The following LPA variants were observed in gnomAD, a reference collection of about 807,000 sequenced individuals.
LPA encodes the protein apolipoprotein(a).
Under a neutral mutation model 197.9 loss-of-function variants are expected in LPA, and 199 were observed. The ratio of observed to expected loss-of-function variants is 1.01; its 90% CI spans 0.90 to 1.13. The LOEUF is 1.13. LPA is among the 50% of genes most tolerant of loss of function. The pLI, the probability that LPA is intolerant of heterozygous loss-of-function variation, is 0.00. For synonymous variants in LPA, 715 were observed against 639.5 expected, an observed-to-expected ratio of 1.12 and a Z score of -1.78; for missense variants, 1,853 against 1,785.8, an observed-to-expected ratio of 1.04 and a Z score of -0.68.
chr6:160,567,035 A>G (rs1174733082), intron 28 of LPA, among the ~76,000 whole-genome samples: 1 of 152,210 alleles, frequency 6.6e-6, no homozygotes, highest in Non-Finnish European at 1.5e-5. Flanking sequence ...ACTCCCACAC[A>G]ATAATAATGG....
chr6:160,590,288 T>C (rs185882981), intron 23 of LPA, among the ~76,000 whole-genome samples: 6 of 152,266 alleles, frequency 3.9e-5, no homozygotes, highest in Non-Finnish European at 8.8e-5. Context: ...GATCCTGCAT[T>C]GCAACAAAGT....
At position 160,542,743 on chromosome 6, in the gene LPA, C is replaced by G. The variant is rs1778002049; in HGVS notation, c.5464G>C (p.Gly1822Arg). Reference sequence around the variant, plus strand: ...GAATGTGGGTGGGCCACACACCCCCCTACAATGCTTCCAGGACATTTCTTC... The same window carrying G: ...GAATGTGGGTGGGCCACACACCCCCGTACAATGCTTCCAGGACATTTCTTC... ...EPKKCPGSIV[G>R]GCVAHPHSWP... Residue 1822 changes from glycine to arginine, a missense_variant, in exon 34 of 39, where the codon GGG (glycine) becomes CGG (arginine). By Grantham distance (125) the Gly-to-Arg change is moderately radical. Around this residue, in one of 3 missense-constraint regions of LPA, gnomAD observed 1,737 missense variants for 1,504.4 expected, o/e 1.15. Coordinates refer to ENST00000316300, the MANE Select transcript of LPA (RefSeq NM_005577.4). 3 of 1,613,912 alleles carry G rather than the reference C, an allele frequency of 1.9e-6. No individual in the cohort carries two copies. The highest frequency in any genetic ancestry group is 1.3e-5 in the African/African-American group (1 of 74,902).
In LPA at chr6:160,605,491, G is replaced by T. The variant is rs559252275; in HGVS notation, c.2786-286C>A. 3.9e-5 allele frequency among the ~76,000 whole-genome samples: 6 copies of T among 151,904 alleles called. No individual in the cohort carries two copies. In the South Asian group the frequency reaches 6.2e-4, roughly 16 times the overall value. On this transcript the variant is annotated intron_variant, in intron 17 of 38. Transcript: ENST00000316300. ...CTTAGAAAAAAAGGACAAATGAGAG[G>T]GCTTCTCAATGGAAACTGTGCTCAC...
chr6:160,558,797 T>C (rs1257876133), intron 28 of LPA, among the ~76,000 whole-genome samples: 1 of 152,178 alleles, frequency 6.6e-6, no homozygotes, highest in Non-Finnish European at 1.5e-5. Context: ...CTCCCATTCA[T>C]GCCTCCTAGG....
intron 38 of LPA, 93 bp downstream of exon 38, chr6:160,532,438 A>G: frequency 1.0e-6 from 1 of 981,258 alleles, no homozygotes; most frequent in Non-Finnish European, 1.6e-6. Context: ...CACTGACAAA[A>G]CCTTCCTGAA....
intron 23 of LPA, among the ~76,000 whole-genome samples, chr6:160,590,386 T>C (rs1779003133): frequency 6.6e-6 from 1 of 152,096 alleles, no homozygotes; most frequent in South Asian, 2.1e-4. Context: ...ATCCCTTCCA[T>C]CAAAGCCTAG....
intron 27 of LPA, 35 bp downstream of exon 27, chr6:160,578,488 C>A: frequency 3.1e-6 from 5 of 1,612,378 alleles, no homozygotes; most frequent in Non-Finnish European, 4.2e-6. Flanking sequence ...GGTTTTTCAT[C>A]CCAGTATATA....
chr6:160,609,976 T>C (rs1247710646), intron 16 of LPA, among the ~76,000 whole-genome samples: 1 of 152,184 alleles, frequency 6.6e-6, no homozygotes, highest in African/African-American at 2.4e-5. Context: ...GTTCTTTAAT[T>C]TGATTTGGCT....
At chr6:160,548,031 G>T (rs1778103590) in intron 31 of LPA, 94 bp from the exon 32 acceptor site, 1 of 1,325,708 alleles carries the variant, frequency 7.5e-7, no homozygotes, top group Non-Finnish European at 1.1e-6. Context: ...GTCATGTCAG[G>T]CTTCTCTAGG....
Position 160,585,027 on chromosome 6 carries a change from G to A in LPA, c.4289+19C>T, listed in dbSNP as rs778448957. 3 of 1,612,676 alleles carry A rather than the reference G, an allele frequency of 1.9e-6. No homozygotes were observed. The South Asian group carries it at 3.3e-5, about 18-fold the overall frequency. Reference sequence around the variant, plus strand: ...TTAGTTGACTATTGTTCCTTTTATGGCTAACATGATAGACATACGCATTTG... The same window carrying A: ...TTAGTTGACTATTGTTCCTTTTATGACTAACATGATAGACATACGCATTTG... On this transcript the variant is annotated intron_variant, in intron 26 of 38. Coordinates refer to ENST00000316300, the MANE Select transcript of LPA (RefSeq NM_005577.4).
chr6:160,586,385 A>C (rs1778910094), intron 25 of LPA, 64 bp downstream of exon 25: 1 of 1,589,012 alleles, frequency 6.3e-7, no homozygotes, highest in African/African-American at 1.3e-5. Context: ...TGCATCACAA[A>C]GATTTTGCAA....
At chr6:160,535,315 G>T (rs1004257230) in intron 37 of LPA, among the ~76,000 whole-genome samples, 2 of 147,292 alleles carry the variant, frequency 1.4e-5, no homozygotes, top group Non-Finnish European at 3.0e-5. Context: ...AATGTTAATG[G>T]TGATGGCAGT....
In LPA at chr6:160,599,489, C is replaced by T; in HGVS notation, c.3287+11G>A. The T allele has an allele frequency of 2.5e-6, 4 of 1,613,236 alleles. No individual in the cohort carries two copies. Among genetic ancestry groups the T allele is most frequent in the Non-Finnish European group, 3.4e-6 (4 of 1,179,852 alleles). On this transcript the variant is annotated intron_variant, in intron 20 of 38. Transcript: ENST00000316300. Reference sequence around the variant, plus strand: ...CCCTTCCTTCGCTTATGGTAAAGAACAAAGACGTACGCATTTGGGTAGTTT... The same window carrying T: ...CCCTTCCTTCGCTTATGGTAAAGAATAAAGACGTACGCATTTGGGTAGTTT...
chr6:160,590,875 C>G, intron 23 of LPA, 69 bp downstream of exon 23: 1 of 1,596,710 alleles, frequency 6.3e-7, no homozygotes, highest in Non-Finnish European at 8.6e-7. Context: ...GCTTCTGTAT[C>G]ACTAAGATTT....
intron 20 of LPA, 55 bp from the exon 21 acceptor site, chr6:160,595,590 C>T: frequency 3.7e-6 from 6 of 1,612,664 alleles, no homozygotes; most frequent in Non-Finnish European, 3.4e-6. Flanking sequence ...TTCAAGGGCA[C>T]TTAGCGCCCT....
intron 16 of LPA, among the ~76,000 whole-genome samples, chr6:160,610,712 T>A (rs1461248376): frequency 1.3e-5 from 2 of 152,116 alleles, no homozygotes; most frequent in African/African-American, 4.8e-5. Context: ...CAAACTCCAA[T>A]CCCTCTCCTC....
intron 28 of LPA, among the ~76,000 whole-genome samples, chr6:160,576,018 T>A (rs1778647674): frequency 6.6e-6 from 1 of 152,130 alleles, no homozygotes; most frequent in Non-Finnish European, 1.5e-5. Flanking sequence ...CAATCCATGA[T>A]GAAATACAGC....
At chr6:160,626,668 TG>T (rs1779660642) in intron 10 of LPA, among the ~76,000 whole-genome samples, 1 of 121,820 alleles carries the variant, frequency 8.2e-6, no homozygotes, top group Non-Finnish European at 1.8e-5. Context: ...TCTTGCATGT[TG>T]TTTTTTTAAA....
At chr6:160,641,031 T>A (rs1779842469) in intron 4 of LPA, among the ~76,000 whole-genome samples, 183 bp from the exon 5 acceptor site, 1 of 138,282 alleles carries the variant, frequency 7.2e-6, no homozygotes. Flanking sequence ...TGCACATCTC[T>A]CATACTTAAT....
Sources: gnomAD v4.1 joint callset for allele counts (sites outside exome capture counted in the v4.1 genomes callset) on GRCh38, gnomAD v4.1.1 for gene constraint, gnomAD v4.1.1 regional missense constraint, MANE v1.5 for transcripts, NCBI Gene and HGNC (gene_info 2026-07-23, HGNC 2026-07-21) for gene names.